The following GPC5 variants were observed in gnomAD, a reference collection of about 807,000 sequenced individuals.
The protein encoded by GPC5 is glypican-5.
A neutral mutation model predicts 53.9 loss-of-function variants in GPC5; 47 were observed. The ratio of observed to expected loss-of-function variants is 0.87; its 90% CI spans 0.69 to 1.11. The LOEUF (loss-of-function observed/expected upper bound fraction) is 1.11. Ranked by LOEUF, GPC5 falls within the 50% of genes most tolerant of loss-of-function variation. The pLI is 0.00. For missense variants in GPC5, 748 were observed against 713.1 expected (o/e 1.05, Z -0.56); for synonymous variants, 286 against 263.3 (o/e 1.09, Z -0.84).
At chr13:91,450,264 A>AT (rs1566409348) in intron 2 of GPC5, among the ~76,000 whole-genome samples, 1 of 152,194 alleles carries the variant, frequency 6.6e-6, no homozygotes, top group African/African-American at 2.4e-5. Flanking sequence ...ATTTACTGAT[A>AT]TACATTTTAA....
intron 7 of GPC5, among the ~76,000 whole-genome samples, chr13:92,319,107 G>A (rs71427556): frequency 0.083 from 12,629 of 152,172 alleles, 671 homozygotes; most frequent in Middle Eastern, 0.15. Context: ...AACTGAAAGA[G>A]TGTCTCAGCC....
At chr13:92,852,145 T>C (rs1392648985) in intron 7 of GPC5, among the ~76,000 whole-genome samples, 1 of 152,190 alleles carries the variant, frequency 6.6e-6, no homozygotes, top group Non-Finnish European at 1.5e-5. Context: ...GGATTAAGTC[T>C]TTTTTAAGAA....
chr13:92,751,769 T>G lies in GPC5; in HGVS notation c.1562-114513T>G, dbSNP rs533475917. Among the ~76,000 whole-genome samples the G allele has an allele frequency of 3.4e-5, 4 of 117,048 alleles. No homozygotes were observed. The East Asian group carries it at 1.7e-3, about 50-fold the overall frequency. 76.8% of individuals were successfully genotyped at this position (117,048 alleles called of 152,430 possible). A position where few individuals can be genotyped will look rare whatever the true frequency, so the allele number is the denominator to read the frequency against. On this transcript the variant is annotated intron_variant, in intron 7 of 7. Coordinates refer to ENST00000377067, the MANE Select transcript of GPC5 (RefSeq NM_004466.6). Reference sequence around the variant, plus strand: ...AAAAAAAAATAAAAAATAAAAACACTTCAATACTTAGCGTATGAGGGACAT... The same window carrying G: ...AAAAAAAAATAAAAAATAAAAACACGTCAATACTTAGCGTATGAGGGACAT...
intron 7 of GPC5, among the ~76,000 whole-genome samples, chr13:92,270,296 G>C (rs72638616): frequency 1.3e-5 from 2 of 152,230 alleles, no homozygotes; most frequent in Non-Finnish European, 2.9e-5. Context: ...GTTGGAGGTG[G>C]GTCTCCGTGG....
At chr13:91,871,667 T>C (rs1036042242) in intron 5 of GPC5, among the ~76,000 whole-genome samples, 1 of 152,096 alleles carries the variant, frequency 6.6e-6, no homozygotes, top group African/African-American at 2.4e-5. Context: ...TACATTGGTA[T>C]TAGTACAGTC....
intron 5 of GPC5, among the ~76,000 whole-genome samples, chr13:91,764,143 G>C (rs914465757): frequency 6.6e-6 from 1 of 152,160 alleles, no homozygotes; most frequent in African/African-American, 2.4e-5. Flanking sequence ...TGTAATACAG[G>C]AGATGTTTGC....
chr13:91,634,693 A>G (rs1171560029), intron 2 of GPC5, among the ~76,000 whole-genome samples: 1 of 152,038 alleles, frequency 6.6e-6, no homozygotes, highest in Non-Finnish European at 1.5e-5. Flanking sequence ...GGAGCTTGAA[A>G]TTAATATAGT....
intron 7 of GPC5, among the ~76,000 whole-genome samples, chr13:92,575,473 C>T (rs1340859862): frequency 6.6e-6 from 1 of 152,122 alleles, no homozygotes; most frequent in Non-Finnish European, 1.5e-5. Flanking sequence ...TCTCCCAGAG[C>T]CTGCAGAGGG....
intron 7 of GPC5, among the ~76,000 whole-genome samples, chr13:92,362,365 A>C (rs2139283091): frequency 6.6e-6 from 1 of 151,938 alleles, no homozygotes; most frequent in Admixed American, 6.5e-5. Flanking sequence ...GAAACATTAT[A>C]AGTGAAACTT....
chr13:92,550,749 A>G (rs1882284089), intron 7 of GPC5, among the ~76,000 whole-genome samples: 1 of 151,916 alleles, frequency 6.6e-6, no homozygotes, highest in Non-Finnish European at 1.5e-5. Context: ...GCTTGGAAAG[A>G]TATATCAGTA....
chr13:91,968,894 CT>C (rs1376797621), intron 6 of GPC5, among the ~76,000 whole-genome samples: 1 of 151,998 alleles, frequency 6.6e-6, no homozygotes, highest in African/African-American at 2.4e-5. Flanking sequence ...TTTTGTCTTC[CT>C]TTTCTTGTTC....
intron 7 of GPC5, among the ~76,000 whole-genome samples, chr13:92,590,041 G>A (rs1261330217): frequency 6.6e-6 from 1 of 152,160 alleles, no homozygotes; most frequent in African/African-American, 2.4e-5. Context: ...CAGTAGTGAT[G>A]CAGTGTTTAT....
intron 1 of GPC5, among the ~76,000 whole-genome samples, chr13:91,425,020 C>G (rs1428247387): frequency 6.6e-6 from 1 of 152,074 alleles, no homozygotes; most frequent in Non-Finnish European, 1.5e-5. Flanking sequence ...TAGGGTAGCT[C>G]AGTTGAATCA....
chr13:92,472,062 A>G (rs1292233590), intron 7 of GPC5, among the ~76,000 whole-genome samples: 4 of 152,132 alleles, frequency 2.6e-5, no homozygotes, highest in Non-Finnish European at 5.9e-5. Context: ...ATGCAAATGA[A>G]GGTACATGTA....
At chr13:91,839,182 GTTTA>G (rs2038756589) in intron 5 of GPC5, among the ~76,000 whole-genome samples, 1 of 151,954 alleles carries the variant, frequency 6.6e-6, no homozygotes. Flanking sequence ...ATGAACACTT[GTTTA>G]TTTATTTAGT....
chr13:91,910,966 T>G (rs960408555), intron 6 of GPC5, among the ~76,000 whole-genome samples: 3 of 152,038 alleles, frequency 2.0e-5, no homozygotes, highest in African/African-American at 7.2e-5. Flanking sequence ...AATGTGCTGG[T>G]GGAGGCCACT....
intron 7 of GPC5, among the ~76,000 whole-genome samples, chr13:92,592,401 G>T (rs935012141): frequency 6.6e-6 from 1 of 151,254 alleles, no homozygotes; most frequent in Non-Finnish European, 1.5e-5. Context: ...TCTTCCTCCT[G>T]CTTTCCTCTC....
intron 7 of GPC5, among the ~76,000 whole-genome samples, chr13:92,573,718 C>A (rs1456920816): frequency 2.6e-5 from 4 of 152,134 alleles, no homozygotes; most frequent in Non-Finnish European, 5.9e-5. Flanking sequence ...TAGCTCCTAC[C>A]ATGTGGCTAA....
Position 91,735,217 on chromosome 13 carries a change from GT to G in GPC5, c.1154+6558del, listed in dbSNP as rs967500269. 6.0e-5 allele frequency among the ~76,000 whole-genome samples: 9 copies of G among 150,734 alleles called. 1 individual carries two copies. Among genetic ancestry groups the G allele is most frequent in the African/African-American group, 1.7e-4 (7 of 40,404 alleles). ...CTATATTTTTTCTACTAGCTCTATG[GT>G]TTTTTCTCTTATTATACATAATACA... is the stretch of plus-strand genomic sequence containing the variant. On this transcript the variant is annotated intron_variant, in intron 4 of 7. Coordinates refer to ENST00000377067, the MANE Select transcript of GPC5 (RefSeq NM_004466.6).
Sources: allele counts gnomAD v4.1 joint callset (sites outside exome capture counted in the v4.1 genomes callset), GRCh38; gene constraint gnomAD v4.1.1; transcripts MANE v1.5; gene names NCBI Gene and HGNC (gene_info 2026-07-23, HGNC 2026-07-21).